Variants in LRP1B observed in about 807,000 individuals in gnomAD.
The protein encoded by LRP1B is LDL receptor related protein 1B, also known as low-density lipoprotein receptor-related protein 1B.
A neutral mutation model predicts 556.6 loss-of-function variants in LRP1B; 217 were observed. The ratio of observed to expected loss-of-function variants is 0.39; its 90% CI spans 0.35 to 0.44. LRP1B has a LOEUF of 0.44. Among genes scored for constraint, LRP1B ranks in the 20% least tolerant of loss-of-function variants. The pLI is 1.00. For synonymous variants in LRP1B, 2,047 were observed against 1,865.8 expected (o/e 1.10, Z -2.50); for missense variants, 5,053 against 5,620.8 (o/e 0.90, Z 3.23).
chr2:140,293,350 G>T (rs1454223772), intron 84 of LRP1B, among the ~76,000 whole-genome samples: 2 of 152,250 alleles, frequency 1.3e-5, no homozygotes, highest in South Asian at 2.1e-4. Context: ...TTCTAGAATA[G>T]TGAGAAGTGC....
At chr2:141,701,542 C>A (rs975453305) in intron 2 of LRP1B, among the ~76,000 whole-genome samples, 1 of 151,708 alleles carries the variant, frequency 6.6e-6, no homozygotes, top group Non-Finnish European at 1.5e-5. Flanking sequence ...TCTAGATGTC[C>A]TTGGGAAAGC....
intron 35 of LRP1B, among the ~76,000 whole-genome samples, chr2:140,726,939 A>G (rs1411973355): frequency 2.6e-5 from 4 of 152,148 alleles, no homozygotes; most frequent in Non-Finnish European, 5.9e-5. Context: ...TTTTTCAAAT[A>G]TATCAAATCA....
intron 71 of LRP1B, among the ~76,000 whole-genome samples, chr2:140,369,007 T>G (rs1682876207): frequency 6.6e-6 from 1 of 151,862 alleles, no homozygotes; most frequent in Admixed American, 6.6e-5. Flanking sequence ...AATGATTGAA[T>G]TAAAGGCTCT....
intron 77 of LRP1B, among the ~76,000 whole-genome samples, chr2:140,342,239 A>G (rs1471851201): frequency 1.3e-5 from 2 of 149,454 alleles, no homozygotes. Flanking sequence ...TAGGCAATAT[A>G]TAACTAGCAA....
intron 72 of LRP1B, among the ~76,000 whole-genome samples, chr2:140,363,922 G>A (rs749050104): frequency 6.6e-6 from 1 of 151,508 alleles, no homozygotes; most frequent in Non-Finnish European, 1.5e-5. Context: ...TTAAAGTATA[G>A]GCGAAACTGC....
intron 1 of LRP1B, among the ~76,000 whole-genome samples, chr2:141,830,819 G>C (rs964789973): frequency 1.3e-5 from 2 of 151,810 alleles, no homozygotes; most frequent in Middle Eastern, 3.4e-3. Context: ...CAAGACACTG[G>C]GTCCCAAACT....
At chr2:141,752,597 T>C (rs1325857724) in intron 2 of LRP1B, among the ~76,000 whole-genome samples, 1 of 152,084 alleles carries the variant, frequency 6.6e-6, no homozygotes, top group Non-Finnish European at 1.5e-5. Context: ...GGGTAGCTTT[T>C]AAGAACTCAC....
At chr2:140,361,519 A>T (rs1208436533) in intron 72 of LRP1B, among the ~76,000 whole-genome samples, 2 of 150,784 alleles carry the variant, frequency 1.3e-5, no homozygotes, top group South Asian at 4.2e-4. Context: ...GTTGTTTCCT[A>T]TGTAAAAGTA....
At chr2:140,755,803 T>G (rs943986801) in intron 35 of LRP1B, among the ~76,000 whole-genome samples, 1 of 151,968 alleles carries the variant, frequency 6.6e-6, no homozygotes, top group African/African-American at 2.4e-5. Flanking sequence ...TCTAAACATT[T>G]CTGTTTAACA....
chr2:140,823,892 C>G (rs1200327434), intron 31 of LRP1B, among the ~76,000 whole-genome samples: 1 of 151,936 alleles, frequency 6.6e-6, no homozygotes, highest in Non-Finnish European at 1.5e-5. Context: ...GATGTGAACT[C>G]ATGACCACAA....
chr2:140,456,243 TTCTC>T (rs1259841191), intron 62 of LRP1B, among the ~76,000 whole-genome samples: 1 of 152,158 alleles, frequency 6.6e-6, no homozygotes, highest in Admixed American at 6.6e-5. Flanking sequence ...TTTCTTTTCT[TTCTC>T]TCTCTTTTTT....
chr2:141,605,597 G>C (rs1687889743), intron 2 of LRP1B, among the ~76,000 whole-genome samples: 1 of 152,130 alleles, frequency 6.6e-6, no homozygotes, highest in African/African-American at 2.4e-5. Flanking sequence ...GCTGGAACTG[G>C]CAGCCTAATA....
intron 6 of LRP1B, among the ~76,000 whole-genome samples, chr2:141,214,874 A>G (rs1178660366): frequency 2.6e-5 from 4 of 152,218 alleles, no homozygotes; most frequent in African/African-American, 4.8e-5. Flanking sequence ...GATGATGCAG[A>G]TAAGTTTTCT....
At chr2:140,509,547 CAG>C (rs1201007452) in intron 52 of LRP1B, among the ~76,000 whole-genome samples, 2 of 152,162 alleles carry the variant, frequency 1.3e-5, no homozygotes, top group African/African-American at 2.4e-5. Context: ...AAGTCATTCA[CAG>C]AGTCTCTGTA....
chr2:141,061,468 T>C (rs898435849), intron 8 of LRP1B, among the ~76,000 whole-genome samples: 7 of 151,822 alleles, frequency 4.6e-5, no homozygotes, highest in African/African-American at 1.4e-4. Flanking sequence ...AGGCATTCAC[T>C]GACTGTTGTT....
At chr2:141,328,853 G>A (rs1383870989) in intron 3 of LRP1B, among the ~76,000 whole-genome samples, 1 of 152,140 alleles carries the variant, frequency 6.6e-6, no homozygotes, top group Non-Finnish European at 1.5e-5. Flanking sequence ...GAGGGGGTGG[G>A]AGGTGGTTGT....
intron 66 of LRP1B, among the ~76,000 whole-genome samples, chr2:140,415,869 G>A (rs1012435924): frequency 2.6e-5 from 4 of 152,190 alleles, no homozygotes; most frequent in Non-Finnish European, 5.9e-5. Context: ...AGTTGGTCTT[G>A]GTCCAGTTAT....
chr2:141,302,920 A>G (rs767112262), intron 3 of LRP1B, among the ~76,000 whole-genome samples: 33 of 151,898 alleles, frequency 2.2e-4, no homozygotes, highest in Non-Finnish European at 2.5e-4. Context: ...AATTTTTACC[A>G]CTCACTTTTT....
chr2:141,182,721 C>A (rs1024964048), intron 7 of LRP1B, among the ~76,000 whole-genome samples: 21 of 151,856 alleles, frequency 1.4e-4, no homozygotes, highest in African/African-American at 5.1e-4. Context: ...AGAAAGATAT[C>A]TTTCCTTGAA....
Sources: gnomAD v4.1 joint callset for allele counts (sites outside exome capture counted in the v4.1 genomes callset) on GRCh38, gnomAD v4.1.1 for gene constraint, MANE v1.5 for transcripts, NCBI Gene and HGNC (gene_info 2026-07-23, HGNC 2026-07-21) for gene names.